C1orf54: variants seen among roughly 807,000 people sequenced by gnomAD.
C1orf54 encodes the protein uncharacterized protein C1orf54.
C1orf54 carries 12 observed loss-of-function variants against 14.7 expected under a neutral mutation model. That is an observed-to-expected ratio of 0.82 (90% confidence interval 0.52 to 1.32). C1orf54 has a LOEUF of 1.32. Among genes scored for constraint, C1orf54 ranks in the 40% most tolerant of loss-of-function variants. The pLI, the probability that C1orf54 is intolerant of heterozygous loss-of-function variation, is 0.00. For synonymous variants in C1orf54, 65 were observed against 56.3 expected (o/e 1.16, Z -0.70); for missense variants, 163 against 162.2 (o/e 1.00, Z -0.03).
intron 4 of C1orf54, among the ~76,000 whole-genome samples, chr1:150,277,478 G>A (rs781946646): frequency 4.9e-5 from 7 of 144,036 alleles, no homozygotes; most frequent in Non-Finnish European, 1.1e-4. Context: ...ACTCCAGCCT[G>A]GGCGACAGAG....
chr1:150,276,609 G>C lies in C1orf54; in HGVS notation c.277G>C (p.Val93Leu), dbSNP rs1553852559. Residue 93 changes from valine (V) to leucine (L), a missense_variant, in exon 4 of 6, where the codon GTG becomes CTG. Val to Leu is a conservative substitution (Grantham distance 32, BLOSUM62 1). Transcript: ENST00000369099. ...ARADHPKPVT[V>L]KPVTTEPSPD... ...TGCAGACCATCCGAAGCCTGTAACT[G>C]TGAAACCAGTAACAACGGAACCTGT... is the stretch of plus-strand genomic sequence containing the variant. The C allele has an allele frequency of 6.2e-7, 1 of 1,614,034 alleles. No homozygotes were observed. The highest frequency in any genetic ancestry group is 8.5e-7 in the Non-Finnish European group (1 of 1,179,918).
rs782317173 is a variant in C1orf54, at chr1:150,276,582, C to T, written c.250C>T (p.Arg84Cys). Reference protein sequence around the residue: ...IETTISLETARADHPKPVTVK... With the variant: ...IETTISLETACADHPKPVTVK... ...GACTACCATTAGTCTTGAAACAGCA[C>T]GTGCAGACCATCCGAAGCCTGTAAC... The change falls in exon 4 of 6, where the codon CGT (arginine) becomes TGT (cysteine). Residue 84 changes from arginine to cysteine, a missense_variant. Transcript: ENST00000369099. 9 of 1,613,958 alleles carry T rather than the reference C, an allele frequency of 5.6e-6. No individual in the cohort carries two copies. Among genetic ancestry groups the T allele is most frequent in the East Asian group, 4.5e-5 (2 of 44,888 alleles).
intron 1 of C1orf54, among the ~76,000 whole-genome samples, chr1:150,273,870 C>T (rs587752478): frequency 2.0e-5 from 3 of 152,016 alleles, no homozygotes; most frequent in Non-Finnish European, 2.9e-5. Flanking sequence ...TGAAAGGGCA[C>T]GGAGTAACAG....
At chr1:150,275,326 G>A (rs1211424775) in intron 2 of C1orf54, among the ~76,000 whole-genome samples, 2 of 101,046 alleles carry the variant, frequency 2.0e-5, no homozygotes, top group Admixed American at 1.2e-4. Flanking sequence ...TTGAGCCATC[G>A]TGCCCGGCCA....
upstream of C1orf54, chr1:150,272,193 T>C (rs782538844): frequency 4.6e-5 from 7 of 152,562 alleles, no homozygotes; most frequent in African/African-American, 1.7e-4. Flanking sequence ...AGGAAATAAC[T>C]GACCATGGCT....
intron 3 of C1orf54, 74 bp downstream of exon 3, chr1:150,275,873 A>C: frequency 2.2e-6 from 3 of 1,344,968 alleles, no homozygotes; most frequent in Non-Finnish European, 3.2e-6. Context: ...GCAGTGGCTC[A>C]TGCCTATAAT....
upstream of C1orf54, chr1:150,269,659 C>T (rs1210974299): frequency 1.3e-5 from 2 of 152,106 alleles, no homozygotes; most frequent in Admixed American, 1.3e-4. Flanking sequence ...CACCCCACCC[C>T]CGCCATAAAT....
intron 1 of C1orf54, among the ~76,000 whole-genome samples, chr1:150,273,430 G>T (rs1652373262): frequency 6.6e-6 from 1 of 152,198 alleles, no homozygotes. Context: ...GCTTGGAGTT[G>T]AAGGGAAAGC....
chr1:150,270,617 TG>T (rs2101861455), upstream of C1orf54, among the ~76,000 whole-genome samples: 1 of 151,854 alleles, frequency 6.6e-6, no homozygotes, highest in South Asian at 2.1e-4. Flanking sequence ...CACTCCAACC[TG>T]GGCGACAGAG....
upstream of C1orf54, among the ~76,000 whole-genome samples, chr1:150,270,966 A>T (rs1652165445): frequency 8.0e-6 from 1 of 125,296 alleles, no homozygotes; most frequent in Non-Finnish European, 1.6e-5. Flanking sequence ...ACTGCACTCC[A>T]GCCTGGGCAA....
chr1:150,274,581 C>T (rs1315916724), intron 2 of C1orf54, among the ~76,000 whole-genome samples: 2 of 127,418 alleles, frequency 1.6e-5, no homozygotes, highest in Non-Finnish European at 3.2e-5. Flanking sequence ...GCCTGGGTGA[C>T]AGAGCAAGAC....
At chr1:150,273,245 G>GA (rs1313560575) in intron 1 of C1orf54, among the ~76,000 whole-genome samples, 13 of 152,254 alleles carry the variant, frequency 8.5e-5, no homozygotes, top group Admixed American at 7.2e-4. Flanking sequence ...GAGAATTGGA[G>GA]AAAAAAACCT....
chr1:150,279,783 A>T, intron 5 of C1orf54, 42 bp downstream of exon 5: 1 of 1,514,852 alleles, frequency 6.6e-7, no homozygotes, highest in Non-Finnish European at 9.1e-7. Context: ...CTGTGAAATA[A>T]TATTTTTTAA....
At chr1:150,274,244 T>C in intron 2 of C1orf54, 74 bp downstream of exon 2, 10 of 1,173,552 alleles carry the variant, frequency 8.5e-6, no homozygotes, top group Non-Finnish European at 1.1e-5. Flanking sequence ...GAGACTTTGC[T>C]CTTCACTTTG....
chr1:150,272,757 G>A (rs1560040493), upstream of C1orf54: 16 of 1,588,922 alleles, frequency 1.0e-5, no homozygotes, highest in East Asian at 1.1e-4. Context: ...GGCGGGGTAA[G>A]TTTGGTGGGA....
chr1:150,274,265 A>G (rs762189126), intron 2 of C1orf54, 95 bp downstream of exon 2: 2 of 938,884 alleles, frequency 2.1e-6, no homozygotes, highest in Non-Finnish European at 3.3e-6. Flanking sequence ...AAGCAGAGCA[A>G]TGGGGTCAGA....
intron 3 of C1orf54, 74 bp from the exon 4 acceptor site, chr1:150,276,448 T>C: frequency 7.9e-7 from 1 of 1,258,584 alleles, no homozygotes; most frequent in Non-Finnish European, 1.2e-6. Context: ...GGGAGAACTT[T>C]AAGTAGAGAA....
At chr1:150,278,241 G>A (rs1652828439) in intron 4 of C1orf54, among the ~76,000 whole-genome samples, 1 of 152,200 alleles carries the variant, frequency 6.6e-6, no homozygotes, top group Non-Finnish European at 1.5e-5. Flanking sequence ...TAAATATTAT[G>A]AAGAAAATAC....
At chr1:150,271,466 C>T (rs1374691614), upstream of C1orf54, among the ~76,000 whole-genome samples, 1 of 152,220 alleles carries the variant, frequency 6.6e-6, no homozygotes, top group Non-Finnish European at 1.5e-5. Context: ...AGGCTGTAAA[C>T]CTATCTTGTT....
Sources: allele counts gnomAD v4.1 joint callset (sites outside exome capture counted in the v4.1 genomes callset), GRCh38; gene constraint gnomAD v4.1.1; transcripts MANE v1.5; gene names NCBI Gene and HGNC (gene_info 2026-07-23, HGNC 2026-07-21).